Variants in ABCA13 observed in about 807,000 individuals in gnomAD.
The protein encoded by ABCA13 is ATP-binding cassette sub-family A member 13.
In ABCA13, 476 loss-of-function variants were observed where a neutral mutation model predicts 478.7. The observed-to-expected ratio is 0.99, with a 90% confidence interval of 0.92 to 1.07. ABCA13 has a LOEUF of 1.07. ABCA13 is among the 50% of genes least tolerant of loss of function. The pLI is 0.00. For synonymous variants in ABCA13, 2,252 were observed against 2,158.9 expected (o/e 1.04, Z -1.20); for missense variants, 6,060 against 5,910.6 (o/e 1.03, Z -0.83).
chr7:48,476,679 G>C (rs993459039), intron 45 of ABCA13, among the ~76,000 whole-genome samples: 10 of 152,118 alleles, frequency 6.6e-5, no homozygotes, highest in African/African-American at 2.2e-4. Context: ...GTCTTCAGCC[G>C]GGAATGGGTT....
At chr7:48,634,332 G>T (rs1277248435) in intron 59 of ABCA13, among the ~76,000 whole-genome samples, 1 of 152,118 alleles carries the variant, frequency 6.6e-6, no homozygotes. Flanking sequence ...GGTGGAAAGT[G>T]TTCCTCCACT....
chr7:48,208,168 A>C (rs1785169201), intron 3 of ABCA13, among the ~76,000 whole-genome samples: 1 of 152,110 alleles, frequency 6.6e-6, no homozygotes, highest in African/African-American at 2.4e-5. Flanking sequence ...TTTTCATGCC[A>C]ATACTGTGCT....
At chr7:48,645,136 A>G (rs1010232869) in intron 61 of ABCA13, among the ~76,000 whole-genome samples, 10 of 152,206 alleles carry the variant, frequency 6.6e-5, no homozygotes, top group Non-Finnish European at 8.8e-5. Context: ...AGTACCAGGA[A>G]TATAAAAATA....
intron 57 of ABCA13, among the ~76,000 whole-genome samples, chr7:48,593,260 G>T (rs1406913075): frequency 7.0e-6 from 1 of 142,446 alleles, no homozygotes; most frequent in Admixed American, 7.0e-5. Context: ...GTGTGTGTGT[G>T]TATGTGTGTG....
intron 31 of ABCA13, among the ~76,000 whole-genome samples, chr7:48,358,593 AT>A (rs1810337637): frequency 6.6e-6 from 1 of 151,940 alleles, no homozygotes; most frequent in African/African-American, 2.4e-5. Flanking sequence ...ATGTAGAAAC[AT>A]TTTGTTTTCA....
At chr7:48,543,229 T>C (rs940673375) in intron 55 of ABCA13, among the ~76,000 whole-genome samples, 12 of 151,790 alleles carry the variant, frequency 7.9e-5, no homozygotes, top group Admixed American at 7.9e-4. Flanking sequence ...GTCGAAACAT[T>C]AAAATTGAAA....
intron 20 of ABCA13, among the ~76,000 whole-genome samples, chr7:48,294,888 CT>C (rs2128827664): frequency 6.6e-6 from 1 of 152,278 alleles, no homozygotes; most frequent in South Asian, 2.1e-4. Context: ...TAATTTCCTT[CT>C]TTTTACAGCT....
intron 42 of ABCA13, among the ~76,000 whole-genome samples, chr7:48,431,220 A>T (rs1270795666): frequency 2.6e-5 from 4 of 152,072 alleles, no homozygotes; most frequent in Admixed American, 2.6e-4. Flanking sequence ...TTTAATAGAG[A>T]TGGGATTTCA....
At chr7:48,260,694 A>C (rs1032581493) in intron 15 of ABCA13, among the ~76,000 whole-genome samples, 11 of 151,994 alleles carry the variant, frequency 7.2e-5, no homozygotes, top group Admixed American at 1.3e-4. Flanking sequence ...AAAACGTTAG[A>C]TGGTCTATAA....
chr7:48,455,374 T>A, intron 43 of ABCA13, 88 bp downstream of exon 43: 1 of 1,435,250 alleles, frequency 7.0e-7, no homozygotes, highest in African/African-American at 1.4e-5. Context: ...GAATTCTAGA[T>A]AAAAACTGGA....
In ABCA13 at chr7:48,455,090, C is replaced by G; in HGVS notation, c.12619C>G (p.Gln4207Glu). The G allele has an allele frequency of 6.5e-7, 1 of 1,549,418 alleles. No individual in the cohort carries two copies. The highest frequency in any genetic ancestry group is 1.2e-5 in the South Asian group (1 of 84,098). ...GCAGGGCGTCCAGCTGCTCCGCGCACAAGTGGCCGCGATCCTGGCCCGGAG... is the reference window on the plus strand; with the variant it reads ...GCAGGGCGTCCAGCTGCTCCGCGCAGAAGTGGCCGCGATCCTGGCCCGGAG... ...TVQGVQLLRA[Q>E]VAAILARRLR... Residue 4207 changes from glutamine (Q) to glutamate (E), a missense_variant, in exon 43 of 62, where the codon CAA becomes GAA. By Grantham distance (29) the Gln-to-Glu change is conservative. Around this residue, in one of 3 missense-constraint regions of ABCA13, gnomAD observed 1,627 missense variants for 1,571.0 expected, o/e 1.04. Transcript: ENST00000435803.
chr7:48,509,543 C>T (rs1357049063), intron 50 of ABCA13, among the ~76,000 whole-genome samples: 1 of 152,122 alleles, frequency 6.6e-6, no homozygotes, highest in African/African-American at 2.4e-5. Flanking sequence ...CTTTATGCCT[C>T]CCACTCAGTC....
chr7:48,298,576 T>C, intron 23 of ABCA13, 89 bp downstream of exon 23: 1 of 1,455,050 alleles, frequency 6.9e-7, no homozygotes. Context: ...TTCTTCCTTC[T>C]TGCCTTCCTC....
intron 18 of ABCA13, among the ~76,000 whole-genome samples, chr7:48,280,455 T>C (rs1746486170): frequency 6.6e-6 from 1 of 152,210 alleles, no homozygotes; most frequent in African/African-American, 2.4e-5. Flanking sequence ...AAACCTGTTC[T>C]TAAAAGCTCC....
chr7:48,492,207 C>G (rs191060631), intron 48 of ABCA13, among the ~76,000 whole-genome samples: 82 of 152,266 alleles, frequency 5.4e-4, no homozygotes, highest in African/African-American at 1.9e-3. Context: ...CCTCACTTTC[C>G]CCTCCGTGTA....
At position 48,310,050 on chromosome 7, in the gene ABCA13, C is replaced by T. The variant is rs3931814; in HGVS notation, c.9425C>T (p.Ala3142Val). 225,494 of 1,613,826 alleles carry T rather than the reference C, an allele frequency of 0.14. 16,198 individuals are homozygous for T. The highest frequency in any genetic ancestry group is 0.15 in the Non-Finnish European group (172,693 of 1,179,770). Residue 3142 changes from alanine to valine, a missense_variant, in exon 24 of 62, where the codon GCG (alanine) becomes GTG (valine). Physicochemically the swap from Ala to Val is moderately conservative, Grantham distance 64. Transcript: ENST00000435803. ...AAAGGGGAAAAATCTTGGATCGCAG[C>T]GGAGGAACTCTGTAGCCTGCCAGGG... ...FPKGEKSWIA[A>V]EELCSLPGSK... is the part of the protein sequence containing the mutation.
chr7:48,403,939 T>G, intron 39 of ABCA13, 60 bp downstream of exon 39: 1 of 1,539,204 alleles, frequency 6.5e-7, no homozygotes, highest in Non-Finnish European at 8.8e-7. Flanking sequence ...AGGAAATGCA[T>G]TGCTACTGTA....
chr7:48,505,524 T>C (rs1197198001), intron 48 of ABCA13, among the ~76,000 whole-genome samples: 1 of 152,146 alleles, frequency 6.6e-6, no homozygotes, highest in African/African-American at 2.4e-5. Flanking sequence ...AATCTAGGAC[T>C]GGCAACATGA....
chr7:48,274,580 G>A lies in ABCA13; in HGVS notation c.4914G>A (p.Val1638=), dbSNP rs767210001. 2 of 1,613,898 alleles carry A rather than the reference G, an allele frequency of 1.2e-6. No individual in the cohort carries two copies. The highest frequency in any genetic ancestry group is 1.1e-5 in the South Asian group (1 of 91,074). ...TTGGTATTCAACTGATAAGGGATGTGTTCAACTCCTTAATGCCTGTAGTTC... is the reference window on the plus strand; with the variant it reads ...TTGGTATTCAACTGATAAGGGATGTATTCAACTCCTTAATGCCTGTAGTTC... ...TGLGIQLIRD[V]FNSLMPVVHH... The change falls in exon 17 of 62, where the codon GTG becomes GTA. Residue 1638 remains valine, a synonymous_variant. Coordinates refer to ENST00000435803, the MANE Select transcript of ABCA13 (RefSeq NM_152701.5).
Sources: allele counts gnomAD v4.1 joint callset (sites outside exome capture counted in the v4.1 genomes callset), GRCh38; gene constraint gnomAD v4.1.1; regional missense constraint gnomAD v4.1.1; transcripts MANE v1.5; gene names NCBI Gene and HGNC (gene_info 2026-07-23, HGNC 2026-07-21).